The following RANBP17 variants were observed in gnomAD, a reference collection of about 807,000 sequenced individuals.
The protein encoded by RANBP17 is RAN binding protein 17, also known as ran-binding protein 17.
A neutral mutation model predicts 141.2 loss-of-function variants in RANBP17; 158 were observed. That is an observed-to-expected ratio of 1.12 (90% CI 0.98 to 1.28). The LOEUF is 1.28. Among genes scored for constraint, RANBP17 ranks in the 50% most tolerant of loss-of-function variants. The pLI is 0.00. For synonymous variants in RANBP17, 430 were observed against 450.0 expected (o/e 0.96, Z 0.56); for missense variants, 1,438 against 1,290.7 (o/e 1.11, Z -1.75).
At chr5:170,975,264 C>T (rs778933329) in intron 14 of RANBP17, among the ~76,000 whole-genome samples, 2 of 152,200 alleles carry the variant, frequency 1.3e-5, no homozygotes, top group African/African-American at 4.8e-5. Context: ...CGTGGTGGCT[C>T]ACACCTGTAA....
intron 1 of RANBP17, among the ~76,000 whole-genome samples, chr5:170,869,678 C>T (rs1302913830): frequency 6.6e-6 from 1 of 152,118 alleles, no homozygotes; most frequent in Non-Finnish European, 1.5e-5. Context: ...TCAAATCTCC[C>T]TCCTTTCTCT....
chr5:171,139,018 G>A (rs777303097), intron 14 of RANBP17, among the ~76,000 whole-genome samples: 2 of 152,010 alleles, frequency 1.3e-5, no homozygotes, highest in Non-Finnish European at 1.5e-5. Flanking sequence ...TCACAGCTAC[G>A]ATGAGCTGTG....
intron 14 of RANBP17, among the ~76,000 whole-genome samples, chr5:171,164,367 C>A (rs1408718660): frequency 6.6e-6 from 1 of 152,034 alleles, no homozygotes; most frequent in Non-Finnish European, 1.5e-5. Flanking sequence ...TTTTTTTATT[C>A]TTTATTAAAT....
At position 170,924,416 on chromosome 5, in the gene RANBP17, TGTGCAC is replaced by T; in HGVS notation, c.1336_1341del (p.Cys446_Thr447del). The T allele has an allele frequency of 6.2e-7, 1 of 1,612,626 alleles. No individual in the cohort carries two copies. Among genetic ancestry groups the T allele is most frequent in the Non-Finnish European group, 8.5e-7 (1 of 1,178,868 alleles). On this transcript the variant is annotated inframe_deletion, in exon 12 of 28. Coordinates refer to ENST00000523189, the MANE Select transcript of RANBP17 (RefSeq NM_022897.5). ...ACTGTGTTTCAGCAGTTGGAGCAGT[TGTGCAC>T]GGTCAGCAGATGTGAATATGAAAAG... is the stretch of plus-strand genomic sequence containing the variant.
chr5:171,201,391 G>A (rs938811969), intron 19 of RANBP17, among the ~76,000 whole-genome samples: 43 of 152,344 alleles, frequency 2.8e-4, no homozygotes, highest in African/African-American at 8.7e-4. Context: ...CAATAGCAAC[G>A]TAATGATAGT....
chr5:171,055,121 A>G (rs1475735969), intron 14 of RANBP17, among the ~76,000 whole-genome samples: 2 of 152,160 alleles, frequency 1.3e-5, no homozygotes, highest in African/African-American at 4.8e-5. Flanking sequence ...ATCCCAAGTA[A>G]AGAGAGCTTT....
Position 170,953,549 on chromosome 5 carries a change from G to A in RANBP17, c.1469-48G>A, listed in dbSNP as rs374716000. ...TGGAATTTCCCCCAAGATAAGCTAC[G>A]TTTCTATGAATACTTACTAAACTTT... On this transcript the variant is annotated intron_variant, in intron 12 of 27. Transcript: ENST00000523189. The A allele has an allele frequency of 5.7e-4, 724 of 1,262,368 alleles. 2 individuals carry two copies. The South Asian group carries it at 8.4e-3, about 15-fold the overall frequency. 78.2% of individuals were successfully genotyped at this position (1,262,368 alleles called of 1,614,324 possible).
intron 24 of RANBP17, among the ~76,000 whole-genome samples, chr5:171,259,532 C>G (rs986060039): frequency 2.6e-5 from 4 of 152,094 alleles, no homozygotes; most frequent in African/African-American, 9.7e-5. Flanking sequence ...GAATACTGTT[C>G]AGCCATAAAA....
At chr5:171,248,363 T>C (rs1052823280) in intron 24 of RANBP17, among the ~76,000 whole-genome samples, 1 of 126,560 alleles carries the variant, frequency 7.9e-6, no homozygotes, top group African/African-American at 3.0e-5. Flanking sequence ...CGAGACTCCA[T>C]CTCAAAAAAA....
rs190585285 is a variant in RANBP17 at position 171,213,048 on chromosome 5, A to G, written c.2232-583A>G. Among the ~76,000 whole-genome samples, 373 of 152,350 alleles carry G rather than the reference A, an allele frequency of 2.4e-3. 1 individual carries two copies. The highest frequency in any genetic ancestry group is 3.9e-3 in the Non-Finnish European group (265 of 68,034). On this transcript the variant is annotated intron_variant, in intron 20 of 27. Transcript: ENST00000523189. ...GTTACTCAAAGCTTTTCGTCAAGCC[A>G]ACATCCCAGATATTCCTTGGAGCTA... is the stretch of plus-strand genomic sequence containing the variant.
intron 24 of RANBP17, among the ~76,000 whole-genome samples, chr5:171,249,264 C>A (rs1037616446): frequency 1.3e-5 from 2 of 152,174 alleles, no homozygotes; most frequent in Non-Finnish European, 2.9e-5. Flanking sequence ...ACCACAGATA[C>A]TTCTTCAGGA....
intron 14 of RANBP17, among the ~76,000 whole-genome samples, chr5:171,159,938 A>AAAAAT (rs1561716512): frequency 6.6e-6 from 1 of 150,800 alleles, no homozygotes. Context: ...AAAAAAAAAA[A>AAAAAT]AAAGAAAAAA....
intron 1 of RANBP17, among the ~76,000 whole-genome samples, chr5:170,870,154 T>G (rs982225257): frequency 6.6e-6 from 1 of 152,148 alleles, no homozygotes; most frequent in Admixed American, 6.5e-5. Context: ...AAAGACTTCT[T>G]AGGTTGATCA....
At chr5:171,253,267 A>C (rs547365358) in intron 24 of RANBP17, among the ~76,000 whole-genome samples, 1 of 152,342 alleles carries the variant, frequency 6.6e-6, no homozygotes, top group East Asian at 1.9e-4. Context: ...TTCCAGTATT[A>C]ACATGCATTT....
In RANBP17 at chr5:171,258,936, C is replaced by T. The variant is rs537801370; in HGVS notation, c.2777-6745C>T. Among the ~76,000 whole-genome samples the T allele has an allele frequency of 6.6e-5, 10 of 152,234 alleles. No individual in the cohort carries two copies. The East Asian group carries it at 1.3e-3, about 21-fold the overall frequency. ...AGAAATAACCAACAGAGTAAACAGA[C>T]AACCTGTTGAATGGGAGAGAATATT... On this transcript the variant is annotated intron_variant, in intron 24 of 27. Transcript: ENST00000523189.
intron 14 of RANBP17, among the ~76,000 whole-genome samples, chr5:171,006,526 C>A (rs1160200136): frequency 6.6e-6 from 1 of 152,064 alleles, no homozygotes; most frequent in Admixed American, 6.5e-5. Context: ...CGTTCTCACT[C>A]ATAGGTGGGA....
At chr5:171,120,276 G>A (rs189024214) in intron 14 of RANBP17, among the ~76,000 whole-genome samples, 4 of 152,330 alleles carry the variant, frequency 2.6e-5, no homozygotes, top group Admixed American at 1.3e-4. Context: ...AGCCAGCACA[G>A]CATTGTGCCT....
At chr5:170,918,921 G>C (rs1482837144) in intron 10 of RANBP17, 62 bp downstream of exon 10, 2 of 1,000,062 alleles carry the variant, frequency 2.0e-6, no homozygotes, top group Non-Finnish European at 2.8e-6. Flanking sequence ...TCTTGGTAAG[G>C]GTTGGTGGGG....
rs148133219 is a variant in RANBP17, at chr5:171,022,625, C to G, written c.1710+54248C>G. Among the ~76,000 whole-genome samples the G allele has an allele frequency of 4.1e-3, 620 of 152,334 alleles. 5 individuals are homozygous for G. Among genetic ancestry groups the G allele is most frequent in the African/African-American group, 0.014 (597 of 41,584 alleles). ...GTGGGAGACATGTCTTCGTACCAAG[C>G]CTTCCAGCCTCCCTGGTCCCAGGAG... On this transcript the variant is annotated intron_variant, in intron 14 of 27. Coordinates refer to ENST00000523189, the MANE Select transcript of RANBP17 (RefSeq NM_022897.5).
Sources: allele counts gnomAD v4.1 joint callset (sites outside exome capture counted in the v4.1 genomes callset), GRCh38; gene constraint gnomAD v4.1.1; transcripts MANE v1.5; gene names NCBI Gene and HGNC (gene_info 2026-07-23, HGNC 2026-07-21).